Variants in GPHN observed in about 807,000 individuals in gnomAD.
The protein encoded by GPHN is gephyrin.
GPHN carries 17 observed loss-of-function variants against 95.5 expected under a neutral mutation model. The ratio of observed to expected loss-of-function variants is 0.18; its 90% CI spans 0.12 to 0.27. The LOEUF (loss-of-function observed/expected upper bound fraction) is 0.27. Among genes scored for constraint, GPHN ranks in the 10% least tolerant of loss-of-function variants. The pLI is 1.00. For synonymous variants in GPHN, 320 were observed against 322.5 expected (o/e 0.99, Z 0.08); for missense variants, 660 against 978.1 (o/e 0.67, Z 4.34).
At chr14:66,742,954 C>T (rs140503090) in intron 2 of GPHN, among the ~76,000 whole-genome samples, 1,824 of 151,648 alleles carry the variant, frequency 0.012, 18 homozygotes, top group Non-Finnish European at 0.018. Flanking sequence ...TTAGTAGAGA[C>T]GGGGTTTCAC....
At chr14:67,023,153 A>G (rs1031764205) in intron 9 of GPHN, among the ~76,000 whole-genome samples, 2 of 152,096 alleles carry the variant, frequency 1.3e-5, no homozygotes, top group Admixed American at 1.3e-4. Flanking sequence ...TCAGAATCAA[A>G]TGTAAATGTT....
chr14:67,481,392 A>G, the GPHN span, among the ~76,000 whole-genome samples: 1 of 152,308 alleles, frequency 6.6e-6, no homozygotes, highest in East Asian at 1.9e-4. Flanking sequence ...CATGGGTAGT[A>G]GATGGAGGGG....
intron 2 of GPHN, among the ~76,000 whole-genome samples, chr14:66,696,541 A>G (rs1237759959): frequency 6.6e-6 from 1 of 152,238 alleles, no homozygotes; most frequent in African/African-American, 2.4e-5. Flanking sequence ...AGCTTCAACA[A>G]AAGCTTTCTC....
chr14:67,383,179 C>A, the GPHN span: 2 of 916,886 alleles, frequency 2.2e-6, no homozygotes, highest in South Asian at 1.9e-5. Flanking sequence ...GCTGATAAGT[C>A]ACTCAAAAGT....
the GPHN span, among the ~76,000 whole-genome samples, chr14:67,420,540 G>C: frequency 1.3e-5 from 2 of 152,198 alleles, no homozygotes; most frequent in Non-Finnish European, 2.9e-5. Flanking sequence ...AGAAATTCCC[G>C]AGACCGGAAG....
chr14:66,964,716 C>T (rs2069192289), intron 8 of GPHN, among the ~76,000 whole-genome samples: 1 of 152,262 alleles, frequency 6.6e-6, no homozygotes, highest in East Asian at 1.9e-4. Context: ...TACCCTATCC[C>T]AACTCAGTCT....
At chr14:67,209,456 A>C in the GPHN span, among the ~76,000 whole-genome samples, 1 of 152,234 alleles carries the variant, frequency 6.6e-6, no homozygotes, top group Non-Finnish European at 1.5e-5. Context: ...TAACAATTAC[A>C]AATCTCTGCC....
the GPHN span, chr14:67,717,940 G>T: frequency 6.6e-6 from 1 of 152,154 alleles, no homozygotes; most frequent in African/African-American, 2.4e-5. Context: ...TGAATTAAGA[G>T]TAAGGGTTGC....
intron 2 of GPHN, among the ~76,000 whole-genome samples, chr14:66,713,366 TC>T (rs2069854031): frequency 6.6e-6 from 1 of 152,206 alleles, no homozygotes; most frequent in African/African-American, 2.4e-5. Context: ...TAGCCAATTA[TC>T]CTAGCACCAT....
At chr14:67,694,465 CATATATATATATACACACACACACAT>C in the GPHN span, among the ~76,000 whole-genome samples, 2 of 103,096 alleles carry the variant, frequency 1.9e-5, no homozygotes, top group South Asian at 2.8e-4. Flanking sequence ...CACACACACA[CATATATATATATACACACACACACAT>C]ATATATATAT....
At chr14:67,735,352 T>G in the GPHN span, 1 of 754,452 alleles carries the variant, frequency 1.3e-6, no homozygotes, top group East Asian at 2.5e-5. Flanking sequence ...CTGCTCAGCC[T>G]GGGCAAGGAA....
chr14:66,838,561 G>A (rs1011547517), intron 4 of GPHN, among the ~76,000 whole-genome samples: 1 of 152,040 alleles, frequency 6.6e-6, no homozygotes. Flanking sequence ...AAAGAGGCTA[G>A]CATACCAGAA....
intron 8 of GPHN, among the ~76,000 whole-genome samples, chr14:66,954,953 T>C (rs1253284477): frequency 6.6e-6 from 1 of 152,246 alleles, no homozygotes; most frequent in African/African-American, 2.4e-5. Flanking sequence ...CTTACATTTT[T>C]GGAATAAATC....
chr14:66,801,807 G>A (rs909614359), intron 3 of GPHN, among the ~76,000 whole-genome samples: 39 of 141,498 alleles, frequency 2.8e-4, no homozygotes, highest in Non-Finnish European at 4.3e-4. Flanking sequence ...TCCCGCTCCC[G>A]CTCCCTCTCC....
At chr14:67,438,071 G>A in the GPHN span, among the ~76,000 whole-genome samples, 1,858 of 152,184 alleles carry the variant, frequency 0.012, 16 homozygotes, top group Middle Eastern at 0.02. Flanking sequence ...TCTAGTGTCC[G>A]TGCTCCCCAG....
the GPHN span, among the ~76,000 whole-genome samples, chr14:67,641,284 A>T: frequency 1.3e-5 from 2 of 152,174 alleles, no homozygotes; most frequent in African/African-American, 4.8e-5. Flanking sequence ...AAGATATCTC[A>T]ATATATATAT....
At chr14:67,714,366 G>A in the GPHN span, among the ~76,000 whole-genome samples, 2 of 151,932 alleles carry the variant, frequency 1.3e-5, no homozygotes, top group Non-Finnish European at 2.9e-5. Context: ...CAAACTCCTT[G>A]CCTCAATAAA....
At chr14:67,090,682 G>A (rs947546849) in intron 12 of GPHN, among the ~76,000 whole-genome samples, 1 of 151,898 alleles carries the variant, frequency 6.6e-6, no homozygotes, top group Non-Finnish European at 1.5e-5. Context: ...AATCTCCTCT[G>A]TATTCCATCA....
chr14:66,706,663 CAA>C (rs1480498187), intron 2 of GPHN, among the ~76,000 whole-genome samples: 1 of 152,156 alleles, frequency 6.6e-6, no homozygotes, highest in East Asian at 1.9e-4. Context: ...AAAATTAACT[CAA>C]GATGTGTTAA....
Sources: gnomAD v4.1 joint callset for allele counts (sites outside exome capture counted in the v4.1 genomes callset) on GRCh38, gnomAD v4.1.1 for gene constraint, MANE v1.5 for transcripts, NCBI Gene and HGNC (gene_info 2026-07-23, HGNC 2026-07-21) for gene names.